HYLS1: variants seen among roughly 807,000 people sequenced by gnomAD.
HYLS1 encodes centriolar and ciliogenesis-associated protein HYLS1.
Under a neutral mutation model 29.4 loss-of-function variants are expected in HYLS1, and 25 were observed. The ratio of observed to expected loss-of-function variants is 0.85; its 90% CI spans 0.62 to 1.19. The LOEUF is 1.19. Among genes scored for constraint, HYLS1 ranks in the 50% most tolerant of loss-of-function variants. The pLI is 0.00. For missense variants in HYLS1, 352 were observed against 365.1 expected (o/e 0.96, Z 0.29); for synonymous variants, 128 against 126.7 (o/e 1.01, Z -0.07).
chr11:125,896,898 G>A (rs1481982046), intron 2 of HYLS1, among the ~76,000 whole-genome samples: 1 of 152,154 alleles, frequency 6.6e-6, no homozygotes, highest in Non-Finnish European at 1.5e-5. Context: ...AGAAGCTAGA[G>A]ACAAGATTTT....
chr11:125,885,393 G>C (rs1221885757), upstream of HYLS1, among the ~76,000 whole-genome samples: 2 of 152,136 alleles, frequency 1.3e-5, no homozygotes, highest in East Asian at 3.9e-4. Context: ...GGAGGTTGCA[G>C]TGAGCCAAGA....
At chr11:125,896,223 A>T (rs1175427328) in intron 2 of HYLS1, 3 of 1,613,894 alleles carry the variant, frequency 1.9e-6, no homozygotes, top group African/African-American at 1.3e-5. Flanking sequence ...CTCTTGCTCC[A>T]GTTCTCGTAC....
At chr11:125,895,896 T>C in intron 2 of HYLS1, 1 of 1,609,638 alleles carries the variant, frequency 6.2e-7, no homozygotes, top group Non-Finnish European at 8.5e-7. Context: ...AAACAGTGTA[T>C]TGGCCCTTAC....
upstream of HYLS1, among the ~76,000 whole-genome samples, chr11:125,885,374 C>T (rs894535296): frequency 3.9e-5 from 6 of 152,140 alleles, no homozygotes; most frequent in East Asian, 1.2e-3. Context: ...TCATTTGAAC[C>T]TGGGAGGTGG....
intron 2 of HYLS1, 85 bp from the exon 3 acceptor site, chr11:125,899,259 C>T (rs1444502213): frequency 3.3e-6 from 3 of 903,942 alleles, no homozygotes; most frequent in Non-Finnish European, 5.2e-6. Context: ...CTCCATTTGA[C>T]TGCTATAAAA....
intron 2 of HYLS1, among the ~76,000 whole-genome samples, chr11:125,897,797 A>C (rs1944633501): frequency 6.6e-6 from 1 of 152,210 alleles, no homozygotes; most frequent in South Asian, 2.1e-4. Flanking sequence ...TTTTGGCAAC[A>C]GCTGTCAAAA....
intron 2 of HYLS1, chr11:125,895,499 C>T: frequency 6.2e-7 from 1 of 1,614,172 alleles, no homozygotes. Flanking sequence ...TACACAAGTT[C>T]CTGAAATCAT....
At chr11:125,888,803 T>C (rs1206558872) in intron 1 of HYLS1, among the ~76,000 whole-genome samples, 1 of 146,022 alleles carries the variant, frequency 6.8e-6, no homozygotes, top group Non-Finnish European at 1.5e-5. Flanking sequence ...AAGAAAAACA[T>C]AAATCAGAAT....
At chr11:125,897,670 C>CT (rs567966146) in intron 2 of HYLS1, among the ~76,000 whole-genome samples, 19 of 152,118 alleles carry the variant, frequency 1.2e-4, no homozygotes, top group Non-Finnish European at 2.2e-4. Context: ...AGGATATGAA[C>CT]TATTTTTCAA....
At position 125,899,678 on chromosome 11, in the gene HYLS1, G is replaced by C. The variant is rs1348414810; in HGVS notation, c.310G>C (p.Asp104His). 1.2e-6 allele frequency: 2 copies of C among 1,614,120 alleles called. No individual in the cohort carries two copies. The highest frequency in any genetic ancestry group is 1.3e-5 in the African/African-American group (1 of 74,948). Residue 104 changes from aspartate (D) to histidine (H), a missense_variant, in exon 3 of 3, where the codon GAT (aspartate) becomes CAT (histidine). Transcript: ENST00000425380. The part of the protein sequence containing the change: ...MKRKVLRRKP[D>H]GEVLVTDESI... ...GAGAAAGGTGCTGCGCAGAAAGCCAGATGGGGAAGTATTAGTAACAGATGA... is the reference window on the plus strand; with the variant it reads ...GAGAAAGGTGCTGCGCAGAAAGCCACATGGGGAAGTATTAGTAACAGATGA...
At chr11:125,894,120 T>A (rs764583227) in intron 2 of HYLS1, 24 of 1,613,902 alleles carry the variant, frequency 1.5e-5, no homozygotes, top group Non-Finnish European at 1.1e-5. Context: ...ACTGGAACAG[T>A]GTCCAGTCCT....
chr11:125,897,689 C>G (rs1392566135), intron 2 of HYLS1, among the ~76,000 whole-genome samples: 1 of 152,088 alleles, frequency 6.6e-6, no homozygotes, highest in Non-Finnish European at 1.5e-5. Context: ...AAGGAAGTGA[C>G]TGCAAAGACA....
intron 2 of HYLS1, among the ~76,000 whole-genome samples, chr11:125,892,054 T>G (rs1029578429): frequency 6.6e-6 from 1 of 152,230 alleles, no homozygotes; most frequent in Non-Finnish European, 1.5e-5. Context: ...TAATTATTGG[T>G]TGGTAAGTAA....
At chr11:125,890,106 CT>C (rs1171450336) in intron 1 of HYLS1, among the ~76,000 whole-genome samples, 1 of 151,922 alleles carries the variant, frequency 6.6e-6, no homozygotes, top group Non-Finnish European at 1.5e-5. Context: ...CCTAGCTAAT[CT>C]TTTTTCTTTT....
intron 1 of HYLS1, chr11:125,888,253 T>A (rs1944345349): frequency 6.6e-6 from 1 of 152,266 alleles, no homozygotes. Context: ...CATGGAACCG[T>A]CCAAGGTGTT....
intron 1 of HYLS1, 80 bp from the exon 2 acceptor site, chr11:125,891,343 A>G (rs540491212): frequency 5.3e-5 from 8 of 151,890 alleles, no homozygotes; most frequent in Admixed American, 5.2e-4. Context: ...TATCCTAACA[A>G]TGACTTATGG....
rs1173212065 is a variant in HYLS1, at chr11:125,899,619, A to T, written c.251A>T (p.Glu84Val). 1 of 1,614,166 alleles carries T rather than the reference A, an allele frequency of 6.2e-7. No individual in the cohort carries two copies. Among genetic ancestry groups the T allele is most frequent in the East Asian group, 2.2e-5 (1 of 44,888 alleles). ...AATGTCCCTTCAGAAACAGTCTCTG[A>T]GGCCTCCCAAAGACTCCGAAAGCCA... Reference protein sequence around the residue: ...ESNVPSETVSEASQRLRKPVM... With the variant: ...ESNVPSETVSVASQRLRKPVM... The change falls in exon 3 of 3, where the codon GAG (glutamate) becomes GTG (valine). Residue 84 changes from glutamate to valine, a missense_variant. Physicochemically the swap from Glu to Val is moderately radical, Grantham distance 121. Transcript: ENST00000425380.
chr11:125,894,100 T>G, intron 2 of HYLS1: 1 of 1,614,144 alleles, frequency 6.2e-7, no homozygotes, highest in Non-Finnish European at 8.5e-7. Flanking sequence ...TTGGTCCTAT[T>G]CCACAGGGTA....
In HYLS1 at chr11:125,900,264, C is replaced by T; in HGVS notation, c.896C>T (p.Ser299Phe). Residue 299 changes from serine (S) to phenylalanine (F), a missense_variant, in exon 3 of 3, where the codon TCT becomes TTT. Physicochemically the swap from Ser to Phe is radical, Grantham distance 155 (BLOSUM62 -2). Transcript: ENST00000425380. The stretch of plus-strand genomic sequence containing the variant: ...AAGCTTCCCTTCCCTCTTTCTCCTT[C>T]TTAAATCTTTTTAAACTTCTTTCAC... ...PRKLPFPLSP[S>F] is the part of the protein sequence containing the mutation. The T allele has an allele frequency of 6.2e-7, 1 of 1,614,022 alleles. No homozygotes were observed. The highest frequency in any genetic ancestry group is 8.5e-7 in the Non-Finnish European group (1 of 1,179,914).
Sources: gnomAD v4.1 joint callset for allele counts (sites outside exome capture counted in the v4.1 genomes callset) on GRCh38, gnomAD v4.1.1 for gene constraint, MANE v1.5 for transcripts, NCBI Gene and HGNC (gene_info 2026-07-23, HGNC 2026-07-21) for gene names.